FSTL4: variants seen among roughly 807,000 people sequenced by gnomAD.
FSTL4 encodes the protein follistatin like 4.
In FSTL4, 28 loss-of-function variants were observed where a neutral mutation model predicts 78.2. The observed-to-expected ratio is 0.36, with a 90% CI of 0.27 to 0.49. The LOEUF (loss-of-function observed/expected upper bound fraction) is 0.49. Ranked by LOEUF, FSTL4 falls within the 20% of genes least tolerant of loss-of-function variation. The probability of loss-of-function intolerance (pLI) is 0.98; values close to 1 mark genes in which losing one functional copy is unlikely to be tolerated. For synonymous variants in FSTL4, 422 were observed against 440.5 expected (o/e 0.96, Z 0.53); for missense variants, 922 against 1,084.9 (o/e 0.85, Z 2.11).
At chr5:133,500,946 G>GAA (rs111455708) in intron 3 of FSTL4, among the ~76,000 whole-genome samples, 27,288 of 146,006 alleles carry the variant, frequency 0.19, 2,520 homozygotes, top group Non-Finnish European at 0.2. Context: ...TTTGCTTCAT[G>GAA]AAAAAAAAAA....
At chr5:133,486,016 C>T (rs1225347804) in intron 3 of FSTL4, among the ~76,000 whole-genome samples, 1 of 152,116 alleles carries the variant, frequency 6.6e-6, no homozygotes, top group Admixed American at 6.5e-5. Flanking sequence ...GTACAAAGGC[C>T]CAGCTCCTGG....
At chr5:133,239,095 G>A (rs973207859) in intron 7 of FSTL4, among the ~76,000 whole-genome samples, 6 of 152,198 alleles carry the variant, frequency 3.9e-5, no homozygotes, top group African/African-American at 7.2e-5. Context: ...GCTGCCAGCC[G>A]GCAAGCCCCG....
chr5:133,650,870 T>G, the FSTL4 span, among the ~76,000 whole-genome samples: 1 of 152,230 alleles, frequency 6.6e-6, no homozygotes, highest in Non-Finnish European at 1.5e-5. Context: ...GTTGAGTCTT[T>G]CTATCCAGGA....
chr5:133,409,018 T>C (rs201395622), intron 3 of FSTL4, among the ~76,000 whole-genome samples: 1 of 152,186 alleles, frequency 6.6e-6, no homozygotes, highest in East Asian at 1.9e-4. Flanking sequence ...ATACTGAAAG[T>C]ATTGAATGGT....
At chr5:133,331,727 G>A (rs1754351299) in intron 4 of FSTL4, among the ~76,000 whole-genome samples, 1 of 152,198 alleles carries the variant, frequency 6.6e-6, no homozygotes, top group Admixed American at 6.5e-5. Context: ...TTGAACGATT[G>A]ACAGTAAATC....
At chr5:133,620,665 T>A in the FSTL4 span, among the ~76,000 whole-genome samples, 4 of 152,232 alleles carry the variant, frequency 2.6e-5, no homozygotes, top group Non-Finnish European at 5.9e-5. Context: ...CAGTCAGTGA[T>A]GTTCAACCAA....
At chr5:133,540,944 T>A (rs1759458629) in intron 3 of FSTL4, among the ~76,000 whole-genome samples, 1 of 152,068 alleles carries the variant, frequency 6.6e-6, no homozygotes, top group African/African-American at 2.4e-5. Context: ...CCCTTGACTT[T>A]AAGTGCCCAC....
intron 3 of FSTL4, among the ~76,000 whole-genome samples, chr5:133,462,078 T>C (rs764478480): frequency 2.6e-5 from 4 of 152,038 alleles, no homozygotes; most frequent in Non-Finnish European, 5.9e-5. Flanking sequence ...CTCACCTGAG[T>C]CCATCACAGA....
At chr5:133,780,335 T>TC in the FSTL4 span, among the ~76,000 whole-genome samples, 1 of 152,016 alleles carries the variant, frequency 6.6e-6, no homozygotes, top group Non-Finnish European at 1.5e-5. Flanking sequence ...CATGACTCAT[T>TC]CCCTCTTTTT....
At chr5:133,228,323 C>T (rs1241344499) in intron 8 of FSTL4, among the ~76,000 whole-genome samples, 1 of 152,158 alleles carries the variant, frequency 6.6e-6, no homozygotes, top group Non-Finnish European at 1.5e-5. Flanking sequence ...ACTACTAACT[C>T]AAAAGGCACT....
At chr5:133,297,063 C>T (rs1211336363) in intron 6 of FSTL4, among the ~76,000 whole-genome samples, 1 of 152,094 alleles carries the variant, frequency 6.6e-6, no homozygotes, top group Admixed American at 6.5e-5. Context: ...TTCATAATTG[C>T]ACCCTTTGAT....
At chr5:133,784,755 C>T in the FSTL4 span, among the ~76,000 whole-genome samples, 1 of 151,772 alleles carries the variant, frequency 6.6e-6, no homozygotes, top group Non-Finnish European at 1.5e-5. Context: ...AAAAGCAGCA[C>T]ATAATAAATT....
At chr5:133,480,909 A>G (rs527382440) in intron 3 of FSTL4, among the ~76,000 whole-genome samples, 2 of 152,300 alleles carry the variant, frequency 1.3e-5, no homozygotes, top group African/African-American at 4.8e-5. Flanking sequence ...CCAAGAAAAG[A>G]GCAGCTCCCG....
chr5:133,402,187 C>A (rs983244716), intron 3 of FSTL4, among the ~76,000 whole-genome samples: 1 of 152,118 alleles, frequency 6.6e-6, no homozygotes, highest in South Asian at 2.1e-4. Flanking sequence ...CGGGCGCTGC[C>A]ACATTGCTTG....
chr5:133,491,902 T>C (rs1318504354), intron 3 of FSTL4, among the ~76,000 whole-genome samples: 1 of 152,116 alleles, frequency 6.6e-6, no homozygotes, highest in Non-Finnish European at 1.5e-5. Flanking sequence ...GCCAACTTAA[T>C]TTGAGTATTT....
intron 3 of FSTL4, among the ~76,000 whole-genome samples, chr5:133,484,215 A>G (rs745648533): frequency 1.1e-4 from 16 of 152,368 alleles, no homozygotes; most frequent in Non-Finnish European, 2.1e-4. Flanking sequence ...AAGTGGCACC[A>G]TCATCATCTC....
At chr5:133,722,193 G>A in the FSTL4 span, among the ~76,000 whole-genome samples, 1 of 152,074 alleles carries the variant, frequency 6.6e-6, no homozygotes, top group Admixed American at 6.5e-5. Context: ...CAGATCAGCA[G>A]GGACATTAGA....
chr5:133,543,529 T>C (rs1384432527), intron 3 of FSTL4, among the ~76,000 whole-genome samples: 1 of 152,246 alleles, frequency 6.6e-6, no homozygotes, highest in Non-Finnish European at 1.5e-5. Flanking sequence ...TAATCTATTA[T>C]TACTTAGTGG....
At chr5:133,409,139 G>A (rs11957834) in intron 3 of FSTL4, among the ~76,000 whole-genome samples, 12 of 152,114 alleles carry the variant, frequency 7.9e-5, no homozygotes, top group Non-Finnish European at 1.2e-4. Context: ...ACTCCGCCTG[G>A]CTTCCAAGGT....
Sources: gnomAD v4.1 joint callset for allele counts (sites outside exome capture counted in the v4.1 genomes callset) on GRCh38, gnomAD v4.1.1 for gene constraint, MANE v1.5 for transcripts, NCBI Gene and HGNC (gene_info 2026-07-23, HGNC 2026-07-21) for gene names.